The following SESTD1 variants were observed in gnomAD, a reference collection of about 807,000 sequenced individuals.
SESTD1 encodes SEC14 and spectrin domain containing 1.
Under a neutral mutation model 101.7 loss-of-function variants are expected in SESTD1, and 43 were observed. The observed-to-expected ratio is 0.42, with a 90% CI of 0.33 to 0.55. The LOEUF (loss-of-function observed/expected upper bound fraction) is 0.55. Among genes scored for constraint, SESTD1 ranks in the 20% least tolerant of loss-of-function variants. SESTD1 has a pLI of 0.07. For synonymous variants in SESTD1, 283 were observed against 286.8 expected, an observed-to-expected ratio of 0.99 and a Z score of 0.13; for missense variants, 647 against 815.1, an observed-to-expected ratio of 0.79 and a Z score of 2.51.
intron 1 of SESTD1, among the ~76,000 whole-genome samples, chr2:179,193,393 T>C (rs1217577020): frequency 2.0e-5 from 3 of 152,138 alleles, no homozygotes; most frequent in African/African-American, 7.2e-5. Flanking sequence ...TAGTAGGAAG[T>C]AGAAGGAAAA....
At chr2:179,201,930 A>AATG (rs2046522920) in intron 1 of SESTD1, among the ~76,000 whole-genome samples, 1 of 125,092 alleles carries the variant, frequency 8.0e-6, no homozygotes, top group Admixed American at 7.8e-5. Flanking sequence ...TAATAATAAT[A>AATG]ATAATAATAA....
chr2:179,163,426 C>T (rs886716577), intron 5 of SESTD1, among the ~76,000 whole-genome samples: 4 of 151,982 alleles, frequency 2.6e-5, no homozygotes, highest in African/African-American at 4.8e-5. Context: ...TGAAGAAAAA[C>T]ATTACTAGTT....
In SESTD1 at chr2:179,244,477, A is replaced by AC. The variant is rs35556270; in HGVS notation, c.-26+20021_-26+20022insG. Among the ~76,000 whole-genome samples the AC allele has an allele frequency of 9.5e-4, 121 of 127,618 alleles. 1 individual carries two copies. Among genetic ancestry groups the AC allele is most frequent in the African/African-American group, 5.2e-3 (107 of 20,710 alleles). The allele number at this position is 127,618 out of a possible 152,430, so 83.7% of individuals were successfully genotyped here. Reference sequence around the variant, plus strand: ...CTGTCTCAAAAAAAACAAACCAACAAAAAAAAAAAACATGGAGGCCAGAAG... The same window carrying AC: ...CTGTCTCAAAAAAAACAAACCAACAACAAAAAAAAAACATGGAGGCCAGAAG... On this transcript the variant is annotated intron_variant, in intron 1 of 17. Transcript: ENST00000428443.
intron 5 of SESTD1, among the ~76,000 whole-genome samples, chr2:179,170,403 A>T (rs1035313694): frequency 1.4e-4 from 21 of 152,078 alleles, no homozygotes; most frequent in Admixed American, 5.2e-4. Flanking sequence ...TATTTTTTTT[A>T]AAAAATAGGT....
chr2:179,178,037 T>C (rs2046041172), intron 3 of SESTD1, among the ~76,000 whole-genome samples: 1 of 151,912 alleles, frequency 6.6e-6, no homozygotes, highest in South Asian at 2.1e-4. Context: ...TTGACAAGGG[T>C]TAGGAGGGAA....
intron 17 of SESTD1, among the ~76,000 whole-genome samples, chr2:179,112,220 T>A (rs1382139585): frequency 6.6e-6 from 1 of 152,196 alleles, no homozygotes; most frequent in African/African-American, 2.4e-5. Flanking sequence ...AAGTTTATGC[T>A]AACTCTTAGA....
intron 13 of SESTD1, 69 bp downstream of exon 13, chr2:179,121,701 G>A: frequency 7.4e-7 from 1 of 1,356,134 alleles, no homozygotes; most frequent in Non-Finnish European, 9.8e-7. Flanking sequence ...TATATAAAAT[G>A]TTATATAACT....
intron 5 of SESTD1, among the ~76,000 whole-genome samples, chr2:179,164,038 G>A (rs955114809): frequency 1.3e-5 from 2 of 152,158 alleles, no homozygotes; most frequent in African/African-American, 4.8e-5. Flanking sequence ...GAATGTGCGT[G>A]CAAGATCCAG....
rs747412908 is a variant in SESTD1 at position 179,128,727 on chromosome 2, CA to C, written c.972+3576del. On this transcript the variant is annotated intron_variant, in intron 10 of 17. Transcript: ENST00000428443. Reference sequence around the variant, plus strand: ...CTGGCGAGAGAGCTAGACACTGTCTCAAAAAAAAAAAAAAGAAAAGAAAAAA... The same window carrying C: ...CTGGCGAGAGAGCTAGACACTGTCTCAAAAAAAAAAAAAGAAAAGAAAAAA... 4.0e-3 allele frequency among the ~76,000 whole-genome samples: 297 copies of C among 73,680 alleles called. 3 individuals are homozygous for C. The highest frequency in any genetic ancestry group is 0.025 in the South Asian group (59 of 2,342). 48.3% of individuals were successfully genotyped at this position (73,680 alleles called of 152,430 possible).
Position 179,115,165 on chromosome 2 carries a change from A to C in SESTD1, c.1739T>G (p.Leu580Arg), listed in dbSNP as rs756762689. The C allele has an allele frequency of 1.2e-6, 2 of 1,613,946 alleles. No homozygotes were observed. Among genetic ancestry groups the C allele is most frequent in the Admixed American group, 3.3e-5 (2 of 59,974 alleles). ...RCTSRSSGDT[L>R]PRLNRVWKQF... The stretch of plus-strand genomic sequence containing the variant: ...TTTCCATACTCTGTTCAGTCGAGGA[A>C]GTGTATCCCCAGATGACCGAGAAGT... Residue 580 changes from leucine (L) to arginine (R), a missense_variant, in exon 16 of 18, where the codon CTT becomes CGT. Physicochemically the swap from Leu to Arg is moderately radical, Grantham distance 102. Around this residue, in one of 3 missense-constraint regions of SESTD1, gnomAD observed 476 missense variants for 562.6 expected, o/e 0.85. Transcript: ENST00000428443.
At chr2:179,112,636 G>A (rs1163199608) in intron 17 of SESTD1, 88 bp downstream of exon 17, 5 of 1,436,642 alleles carry the variant, frequency 3.5e-6, no homozygotes, top group Non-Finnish European at 4.6e-6. Flanking sequence ...AATTTACTTG[G>A]CTTTTTAAAG....
At chr2:179,255,876 G>A (rs1406051303) in intron 1 of SESTD1, among the ~76,000 whole-genome samples, 1 of 152,178 alleles carries the variant, frequency 6.6e-6, no homozygotes, top group Non-Finnish European at 1.5e-5. Flanking sequence ...AGTGAAAGCC[G>A]ATGCTCGTTT....
intron 2 of SESTD1, among the ~76,000 whole-genome samples, chr2:179,186,672 T>C (rs1280929193): frequency 1.4e-5 from 2 of 147,842 alleles, no homozygotes; most frequent in African/African-American, 5.0e-5. Flanking sequence ...CAGAAGACTG[T>C]ATTTTCAGGG....
At chr2:179,168,382 T>C in intron 5 of SESTD1, among the ~76,000 whole-genome samples, 1 of 152,250 alleles carries the variant, frequency 6.6e-6, no homozygotes, top group Non-Finnish European at 1.5e-5. Flanking sequence ...TTAGTAAGGC[T>C]TTTGGTCAAT....
chr2:179,146,278 CA>C, intron 8 of SESTD1, 123 bp downstream of exon 8: 1 of 875,316 alleles, frequency 1.1e-6, no homozygotes, highest in Non-Finnish European at 1.8e-6. Context: ...CCCTGGTCCT[CA>C]AAAATTTCCC....
At chr2:179,260,275 G>A (rs1319942918) in intron 1 of SESTD1, among the ~76,000 whole-genome samples, 1 of 152,160 alleles carries the variant, frequency 6.6e-6, no homozygotes, top group Non-Finnish European at 1.5e-5. Flanking sequence ...CTCATGTTAA[G>A]AAGGCCAACG....
rs867685973 is a variant in SESTD1 at position 179,198,256 on chromosome 2, G to C, written c.-25-6390C>G. Among the ~76,000 whole-genome samples the C allele has an allele frequency of 6.4e-3, 966 of 152,084 alleles. 2 individuals carry two copies. Among genetic ancestry groups the C allele is most frequent in the Middle Eastern group, 0.024 (7 of 292 alleles). ...GGATCAATTCAACAAGAAGAGCTAA[G>C]TTCCTAAATATATATGCACCCAATA... is the stretch of plus-strand genomic sequence containing the variant. On this transcript the variant is annotated intron_variant, in intron 1 of 17. Coordinates refer to ENST00000428443, the MANE Select transcript of SESTD1 (RefSeq NM_178123.5).
chr2:179,130,766 T>A (rs976120145), intron 10 of SESTD1, among the ~76,000 whole-genome samples: 5 of 152,084 alleles, frequency 3.3e-5, no homozygotes, highest in African/African-American at 1.2e-4. Flanking sequence ...AATACAGTTT[T>A]TTAGGAACTA....
intron 1 of SESTD1, among the ~76,000 whole-genome samples, chr2:179,200,648 C>T (rs1559141762): frequency 6.6e-6 from 1 of 150,980 alleles, no homozygotes; most frequent in Non-Finnish European, 1.5e-5. Context: ...CTTTGACAAA[C>T]CTGAGAAAAA....
Sources: allele counts gnomAD v4.1 joint callset (sites outside exome capture counted in the v4.1 genomes callset), GRCh38; gene constraint gnomAD v4.1.1; regional missense constraint gnomAD v4.1.1; transcripts MANE v1.5; gene names NCBI Gene and HGNC (gene_info 2026-07-23, HGNC 2026-07-21).